Variants in MASTL observed in about 807,000 individuals in gnomAD.
MASTL encodes the protein microtubule associated serine/threonine kinase like.
A neutral mutation model predicts 82.5 loss-of-function variants in MASTL; 54 were observed. The ratio of observed to expected loss-of-function variants is 0.65; its 90% CI spans 0.53 to 0.82. MASTL has a LOEUF of 0.82. MASTL is among the 40% of genes least tolerant of loss of function. MASTL has a pLI of 0.00. For synonymous variants in MASTL, 323 were observed against 368.9 expected (o/e 0.88, Z 1.43); for missense variants, 950 against 1,047.8 (o/e 0.91, Z 1.29).
Position 27,187,373 on chromosome 10 carries a change from T to G in MASTL, c.*837T>G, listed in dbSNP as rs1000466004. On this transcript the variant is annotated 3_prime_UTR_variant, in exon 12 of 12. Coordinates refer to ENST00000375940, the MANE Select transcript of MASTL (RefSeq NM_001172303.3). ...GGGAATAAGGAATAAACAAAAAGAC[T>G]AAGGCTTTCACTTACTTTACTAATG... Among the ~76,000 whole-genome samples, 5 of 152,222 alleles carry G rather than the reference T, an allele frequency of 3.3e-5. No homozygotes were observed. The highest frequency in any genetic ancestry group is 1.2e-4 in the African/African-American group (5 of 41,458).
chr10:27,178,878 A>G (rs1299159740), intron 9 of MASTL, among the ~76,000 whole-genome samples: 3 of 152,126 alleles, frequency 2.0e-5, no homozygotes, highest in East Asian at 3.8e-4. Context: ...ATGTTTTTAT[A>G]GTATTATAGA....
rs535159862 is a variant in MASTL at position 27,167,157 on chromosome 10, T to A, written c.867T>A (p.Asn289Lys). The A allele has an allele frequency of 8.5e-5, 137 of 1,614,100 alleles. No individual in the cohort carries two copies. The South Asian group carries it at 1.4e-3, about 17-fold the overall frequency. ...TGCCTGTGAAGTGTCTAACTTCTAA[T>A]TTACTCCAGTCTAGGAAAAGGCTGG... is the stretch of plus-strand genomic sequence containing the variant. ...PGMPVKCLTS[N>K]LLQSRKRLAT... is the part of the protein sequence containing the mutation. The change falls in exon 7 of 12, where the codon AAT (asparagine) becomes AAA (lysine). Residue 289 changes from asparagine to lysine, a missense_variant. Coordinates refer to ENST00000375940, the MANE Select transcript of MASTL (RefSeq NM_001172303.3).
chr10:27,173,120 G>A lies in MASTL; in HGVS notation c.2127G>A (p.Gln709=). The A allele has an allele frequency of 6.2e-7, 1 of 1,613,672 alleles. No individual in the cohort carries two copies. Among genetic ancestry groups the A allele is most frequent in the Non-Finnish European group, 8.5e-7 (1 of 1,179,924 alleles). The part of the protein sequence containing the change: ...QKRRSCMPHQ[Q]TPNQIKSGTP... ...CTCTTAAACCCTTTTTGAATTAGCA[G>A]ACCCCAAATCAGATCAAGTCGGGAA... Residue 709 remains glutamine, a splice_region_variant and synonymous_variant, in exon 9 of 12, where the codon CAG becomes CAA. Transcript: ENST00000375940.
At position 27,159,343 on chromosome 10, in the gene MASTL, G is replaced by A. The variant is rs550519889; in HGVS notation, c.325-276G>A. 5.9e-5 allele frequency among the ~76,000 whole-genome samples: 9 copies of A among 152,198 alleles called. No individual in the cohort carries two copies. The South Asian group carries it at 1.2e-3, about 21-fold the overall frequency. On this transcript the variant is annotated intron_variant, in intron 2 of 11. Transcript: ENST00000375940. The surrounding 1 kb of genome is among the most constrained non-coding windows in gnomAD (Gnocchi z 4.0). Reference sequence around the variant, plus strand: ...TTGCTATGTTGGCCAGGCTAGTCTCGAACTCCTGGCCTCAAGTGATCTGCC... The same window carrying A: ...TTGCTATGTTGGCCAGGCTAGTCTCAAACTCCTGGCCTCAAGTGATCTGCC...
At chr10:27,156,387 G>A (rs898218276) in intron 1 of MASTL, among the ~76,000 whole-genome samples, 1 of 152,152 alleles carries the variant, frequency 6.6e-6, no homozygotes, top group Non-Finnish European at 1.5e-5. Flanking sequence ...TGTTTGCTTT[G>A]ACGTGCAGAA....
intron 1 of MASTL, among the ~76,000 whole-genome samples, chr10:27,156,829 A>ATTTTTT (rs10660334): frequency 8.2e-6 from 1 of 122,376 alleles, no homozygotes; most frequent in African/African-American, 3.2e-5. Context: ...CCTGCTATGA[A>ATTTTTT]TTTTTTTTTT....
rs368130939 is a variant in MASTL, at chr10:27,176,424, C to T, written c.2266+3165C>T. 8.5e-5 allele frequency among the ~76,000 whole-genome samples: 13 copies of T among 152,318 alleles called. No homozygotes were observed. The East Asian group carries it at 1.9e-3, about 23-fold the overall frequency. On this transcript the variant is annotated intron_variant, in intron 9 of 11. Transcript: ENST00000375940. ...TTCTATTTCCCTTCTCAGAAAACTACAGTGGCTCCCTCTTAGCTGCTAAGT... is the reference window on the plus strand; with the variant it reads ...TTCTATTTCCCTTCTCAGAAAACTATAGTGGCTCCCTCTTAGCTGCTAAGT...
rs1408975317 is a variant in MASTL, at chr10:27,165,499, A to G, written c.771A>G (p.Gln257=). 1.9e-6 allele frequency: 3 copies of G among 1,614,202 alleles called. No homozygotes were observed. In the South Asian group the frequency reaches 3.3e-5, roughly 18 times the overall value. Residue 257 remains glutamine (Q), a synonymous_variant, in exon 6 of 12, where the codon CAA becomes CAG. Coordinates refer to ENST00000375940, the MANE Select transcript of MASTL (RefSeq NM_001172303.3). ...TCGTATGCCCTATGTCTGTAGATCA[A>G]AAGGACACTACGCCTTATTCTAGCA... The part of the protein sequence containing the change: ...QGLVCPMSVD[Q]KDTTPYSSKL...
Position 27,169,971 on chromosome 10 carries a change from A to G in MASTL, c.1012A>G (p.Met338Val), listed in dbSNP as rs750840160. The G allele has an allele frequency of 3.7e-6, 6 of 1,614,026 alleles. No homozygotes were observed. In the Admixed American group the frequency reaches 5.0e-5, roughly 13 times the overall value. The change falls in exon 8 of 12, where the codon ATG (methionine) becomes GTG (valine). Residue 338 changes from methionine to valine, a missense_variant. Met to Val is a conservative substitution (Grantham distance 21). Transcript: ENST00000375940. ...AAGTGATGAAGCATTGGGCCCAACAATGATGAGTTGGAATGCAGTTGAAAA... is the reference window on the plus strand; with the variant it reads ...AAGTGATGAAGCATTGGGCCCAACAGTGATGAGTTGGAATGCAGTTGAAAA... ...QESDEALGPT[M>V]MSWNAVEKLC... is the part of the protein sequence containing the mutation.
Position 27,159,670 on chromosome 10 carries a change from G to T in MASTL, c.376G>T (p.Gly126Cys). The T allele has an allele frequency of 6.3e-7, 1 of 1,577,880 alleles. No individual in the cohort carries two copies. The highest frequency in any genetic ancestry group is 2.2e-5 in the East Asian group (1 of 44,630). ...TGTCAAGTCTCTCCTACATATATAT[G>T]GTTATTTTGATGAAGAGATGGCTGT... ...GDVKSLLHIYGYFDEEMAVKY... is the reference protein window; with the variant it reads ...GDVKSLLHIYCYFDEEMAVKY... The change falls in exon 3 of 12, where the codon GGT becomes TGT. Residue 126 changes from glycine to cysteine, a missense_variant. Gly to Cys is a radical substitution (Grantham distance 159). Coordinates refer to ENST00000375940, the MANE Select transcript of MASTL (RefSeq NM_001172303.3). The surrounding 1 kb of genome is among the most constrained non-coding windows in gnomAD (Gnocchi z 4.0).
chr10:27,169,940 T>G lies in MASTL; in HGVS notation c.985-4T>G, dbSNP rs2057866627. ...ACTAAAACAAATATTTTTTTCCCTCTTAGGAAAGTGATGAAGCATTGGGCC... is the reference window on the plus strand; with the variant it reads ...ACTAAAACAAATATTTTTTTCCCTCGTAGGAAAGTGATGAAGCATTGGGCC... On this transcript the variant is annotated splice_region_variant and splice_polypyrimidine_tract_variant and intron_variant, in intron 7 of 11. Transcript: ENST00000375940. 1.9e-6 allele frequency: 3 copies of G among 1,613,876 alleles called. No individual in the cohort carries two copies. In the South Asian group the frequency reaches 3.3e-5, roughly 18 times the overall value.
At chr10:27,186,280 A>T (rs957077803) in intron 11 of MASTL, 99 bp from the exon 12 acceptor site, 2 of 1,187,490 alleles carry the variant, frequency 1.7e-6, no homozygotes, top group African/African-American at 3.0e-5. Flanking sequence ...AAAGTAAGGT[A>T]AGTTATATGT....
At chr10:27,168,255 T>C (rs865821931) in intron 7 of MASTL, among the ~76,000 whole-genome samples, 10 of 152,226 alleles carry the variant, frequency 6.6e-5, no homozygotes, top group South Asian at 4.1e-4. Flanking sequence ...AAAGGTACTA[T>C]ATGCTGCAAG....
At chr10:27,173,464 T>G (rs970141530) in intron 9 of MASTL, among the ~76,000 whole-genome samples, 30 of 152,210 alleles carry the variant, frequency 2.0e-4, no homozygotes, top group African/African-American at 7.0e-4. Flanking sequence ...AAAGACCAGA[T>G]GCTGGAGTAC....
At chr10:27,156,013 A>ATT (rs3834397) in intron 1 of MASTL, among the ~76,000 whole-genome samples, 8 of 151,180 alleles carry the variant, frequency 5.3e-5, no homozygotes, top group South Asian at 2.1e-4. Flanking sequence ...TTTCTTTTTT[A>ATT]TTTTTTTTTG....
At chr10:27,161,012 T>TG in intron 3 of MASTL, 82 bp from the exon 4 acceptor site, 2 of 923,750 alleles carry the variant, frequency 2.2e-6, no homozygotes, top group East Asian at 4.8e-5. Context: ...TTTGCCTCCT[T>TG]TGTAACTCTT....
At position 27,171,038 on chromosome 10, in the gene MASTL, G is replaced by A. The variant is rs1424472707; in HGVS notation, c.2079G>A (p.Met693Ile). ...ISCAYSGSYP[M>I]AITPTQKRRS... ...GTGCCTACAGTGGTTCATATCCCAT[G>A]GCTATAACCCCTACTCAAAAAAGAA... Residue 693 changes from methionine (M) to isoleucine (I), a missense_variant, in exon 8 of 12, where the codon ATG (methionine) becomes ATA (isoleucine). By Grantham distance (10) the Met-to-Ile change is conservative (BLOSUM62 1). Transcript: ENST00000375940. 1 of 1,614,018 alleles carries A rather than the reference G, an allele frequency of 6.2e-7. No individual in the cohort carries two copies. Among genetic ancestry groups the A allele is most frequent in the Admixed American group, 1.7e-5 (1 of 59,992 alleles).
chr10:27,180,372 G>A (rs1466575668), intron 9 of MASTL, among the ~76,000 whole-genome samples: 1 of 120,384 alleles, frequency 8.3e-6, no homozygotes, highest in Non-Finnish European at 1.7e-5. Context: ...GAGCTAACTC[G>A]CATTTTTCTT....
intron 7 of MASTL, among the ~76,000 whole-genome samples, chr10:27,167,692 AATG>A (rs2057784845): frequency 6.6e-6 from 1 of 152,172 alleles, no homozygotes; most frequent in Non-Finnish European, 1.5e-5. Flanking sequence ...TGTTTAATGG[AATG>A]GTAACTCTTC....
Sources: allele counts gnomAD v4.1 joint callset (sites outside exome capture counted in the v4.1 genomes callset), GRCh38; gene constraint gnomAD v4.1.1; non-coding constraint Gnocchi (gnomAD v3.1); transcripts MANE v1.5; gene names NCBI Gene and HGNC (gene_info 2026-07-23, HGNC 2026-07-21).